The following RPS6KA5 variants were observed in gnomAD, a reference collection of about 807,000 sequenced individuals.
RPS6KA5 encodes the protein ribosomal protein S6 kinase A5.
Under a neutral mutation model 85.5 loss-of-function variants are expected in RPS6KA5, and 27 were observed. The observed-to-expected ratio is 0.32, with a 90% confidence interval of 0.23 to 0.44. The LOEUF (loss-of-function observed/expected upper bound fraction) is 0.44, where lower values mean the gene tolerates loss of function less well. RPS6KA5 is among the 20% of genes least tolerant of loss of function. The probability of loss-of-function intolerance (pLI) is 1.00; values close to 1 mark genes in which losing one functional copy is unlikely to be tolerated. For synonymous variants in RPS6KA5, 334 were observed against 348.2 expected (o/e 0.96, Z 0.46); for missense variants, 811 against 980.9 (o/e 0.83, Z 2.31).
intron 14 of RPS6KA5, among the ~76,000 whole-genome samples, chr14:90,889,809 G>C (rs529559261): frequency 2.6e-5 from 4 of 152,260 alleles, no homozygotes; most frequent in Non-Finnish European, 4.4e-5. Context: ...TGAAGGGAGA[G>C]AGAGAGCTTG....
intron 3 of RPS6KA5, among the ~76,000 whole-genome samples, chr14:90,957,914 G>C (rs984231373): frequency 2.0e-5 from 3 of 151,892 alleles, no homozygotes; most frequent in African/African-American, 7.3e-5. Context: ...GGCCGAGGTA[G>C]AAGGATAGCT....
At chr14:91,016,212 A>G (rs1370502583) in intron 1 of RPS6KA5, among the ~76,000 whole-genome samples, 2 of 152,170 alleles carry the variant, frequency 1.3e-5, no homozygotes, top group Non-Finnish European at 2.9e-5. Context: ...GCCTATAAAC[A>G]CAACTACAGT....
chr14:90,901,262 G>A (rs2035153449), intron 9 of RPS6KA5, among the ~76,000 whole-genome samples: 1 of 152,058 alleles, frequency 6.6e-6, no homozygotes, highest in South Asian at 2.1e-4. Flanking sequence ...ATGCCACCAT[G>A]CCTGACGGGG....
Position 90,863,868 on chromosome 14 carries a change from C to T in RPS6KA5, c.*8206G>A, listed in dbSNP as rs2032690515. 1 of 152,112 alleles carries T rather than the reference C, an allele frequency of 6.6e-6. No homozygotes were observed. The highest frequency in any genetic ancestry group is 1.5e-5 in the Non-Finnish European group (1 of 68,008). 9.4% of individuals were successfully genotyped at this position (152,112 alleles called of 1,614,324 possible). A position where few individuals can be genotyped will look rare whatever the true frequency, so the allele number is the denominator to read the frequency against. ...AATTAAACCCTAACATCCTCTGCCC[C>T]CAAAACTAACAAGGTGATTCTAAAA... On this transcript the variant is annotated 3_prime_UTR_variant, in exon 17 of 17. Transcript: ENST00000614987.
At chr14:91,041,060 T>G (rs551460677) in intron 1 of RPS6KA5, among the ~76,000 whole-genome samples, 1 of 152,276 alleles carries the variant, frequency 6.6e-6, no homozygotes, top group South Asian at 2.1e-4. Context: ...AGAGAATTTT[T>G]TTTTTCTTTT....
At chr14:90,914,561 T>C (rs1209303057) in intron 7 of RPS6KA5, among the ~76,000 whole-genome samples, 1 of 152,094 alleles carries the variant, frequency 6.6e-6, no homozygotes, top group African/African-American at 2.4e-5. Flanking sequence ...GTGATCCACC[T>C]GCCTTGGCCT....
intron 3 of RPS6KA5, among the ~76,000 whole-genome samples, chr14:90,958,109 T>TGC (rs2038619997): frequency 1.3e-5 from 2 of 152,222 alleles, no homozygotes; most frequent in Non-Finnish European, 2.9e-5. Context: ...ACTGTGCTAC[T>TGC]GCACTCCAGC....
chr14:90,950,848 T>C (rs867013962), intron 3 of RPS6KA5, among the ~76,000 whole-genome samples: 2 of 152,244 alleles, frequency 1.3e-5, no homozygotes, highest in Non-Finnish European at 2.9e-5. Flanking sequence ...GGGCCTGCCA[T>C]GGTGTCTCAT....
At chr14:90,873,820 T>G (rs2033279720) in intron 15 of RPS6KA5, 25 bp from the exon 16 acceptor site, 1 of 1,595,886 alleles carries the variant, frequency 6.3e-7, no homozygotes, top group South Asian at 1.1e-5. Flanking sequence ...ATTTTTATTT[T>G]ATGATTTGTC....
intron 5 of RPS6KA5, among the ~76,000 whole-genome samples, chr14:90,925,958 A>AAAAAAG (rs2036642647): frequency 6.7e-6 from 1 of 149,562 alleles, no homozygotes; most frequent in African/African-American, 2.5e-5. Context: ...AAAAAAAAAA[A>AAAAAAG]AAAAGAAAAG....
At chr14:91,035,164 T>A (rs182761341) in intron 1 of RPS6KA5, among the ~76,000 whole-genome samples, 103 of 151,078 alleles carry the variant, frequency 6.8e-4, no homozygotes, top group Non-Finnish European at 3.4e-4. Flanking sequence ...GATGTGGGCA[T>A]CAATGAAGTC....
chr14:91,027,603 T>C (rs540676744), intron 1 of RPS6KA5, among the ~76,000 whole-genome samples: 1 of 152,342 alleles, frequency 6.6e-6, no homozygotes, highest in Admixed American at 6.5e-5. Flanking sequence ...CAGTAACATA[T>C]TAGCCCAAAA....
At chr14:90,904,986 C>G (rs934844900) in intron 8 of RPS6KA5, among the ~76,000 whole-genome samples, 3 of 152,110 alleles carry the variant, frequency 2.0e-5, no homozygotes, top group African/African-American at 7.2e-5. Context: ...AACTTCTGAA[C>G]AAGATATTTG....
intron 1 of RPS6KA5, among the ~76,000 whole-genome samples, chr14:91,009,997 T>A (rs781407921): frequency 6.7e-6 from 1 of 149,802 alleles, no homozygotes; most frequent in Non-Finnish European, 1.5e-5. Context: ...TGGAAGTGCA[T>A]GAAGACTGAG....
chr14:90,900,344 G>C, intron 10 of RPS6KA5, 103 bp from the exon 11 acceptor site: 1 of 791,062 alleles, frequency 1.3e-6, no homozygotes, highest in South Asian at 3.3e-5. Flanking sequence ...TAATAAACAG[G>C]AATAGAATAC....
chr14:90,881,293 C>A (rs1286259), intron 14 of RPS6KA5, among the ~76,000 whole-genome samples: 100,579 of 150,676 alleles, frequency 0.67, 35,336 homozygotes, highest in African/African-American at 0.9. Context: ...TCTACTAAAA[C>A]TACAAAAATT....
chr14:90,941,062 T>C (rs1362042804), intron 5 of RPS6KA5, among the ~76,000 whole-genome samples: 1 of 152,116 alleles, frequency 6.6e-6, no homozygotes, highest in Non-Finnish European at 1.5e-5. Context: ...ATAAAAGTGA[T>C]CATCAAATCT....
chr14:90,908,758 G>A lies in RPS6KA5; in HGVS notation c.807-2459C>T, dbSNP rs111637569. 4.0e-3 allele frequency among the ~76,000 whole-genome samples: 616 copies of A among 152,278 alleles called. 1 individual carries two copies. The highest frequency in any genetic ancestry group is 6.8e-3 in the Middle Eastern group (2 of 294). On this transcript the variant is annotated intron_variant, in intron 7 of 16. Transcript: ENST00000614987. ...TTAAGATAACTGGCGTGGCAGGTGG[G>A]TCAGGTGCTGTGAAAGCTCCTCCTG... is the stretch of plus-strand genomic sequence containing the variant.
intron 3 of RPS6KA5, among the ~76,000 whole-genome samples, chr14:90,957,096 ACT>A (rs2038562342): frequency 6.7e-6 from 1 of 149,900 alleles, no homozygotes; most frequent in Non-Finnish European, 1.5e-5. Flanking sequence ...ACAGAGTCTC[ACT>A]CTGTCACCCA....
Sources: allele counts gnomAD v4.1 joint callset (sites outside exome capture counted in the v4.1 genomes callset), GRCh38; gene constraint gnomAD v4.1.1; transcripts MANE v1.5; gene names NCBI Gene and HGNC (gene_info 2026-07-23, HGNC 2026-07-21).